ARHGAP35: variants seen among roughly 807,000 people sequenced by gnomAD.
The protein encoded by ARHGAP35 is rho GTPase-activating protein 35.
In ARHGAP35, 15 loss-of-function variants were observed where a neutral mutation model predicts 111.1. The observed-to-expected ratio is 0.13, with a 90% CI of 0.09 to 0.21. The LOEUF is 0.21. Ranked by LOEUF, ARHGAP35 falls within the 10% of genes least tolerant of loss-of-function variation. The pLI, the probability that ARHGAP35 is intolerant of heterozygous loss-of-function variation, is 1.00. For synonymous variants in ARHGAP35, 643 were observed against 710.3 expected (o/e 0.91, Z 1.51); for missense variants, 1,262 against 1,873.0 (o/e 0.67, Z 6.02).
intron 1 of ARHGAP35, among the ~76,000 whole-genome samples, chr19:46,864,286 G>A (rs1448989549): frequency 1.3e-5 from 2 of 152,158 alleles, no homozygotes; most frequent in Non-Finnish European, 2.9e-5. Flanking sequence ...AGGGGTAGAG[G>A]TGGTTTTTAC....
At chr19:46,868,889 C>G (rs1160245825) in intron 1 of ARHGAP35, among the ~76,000 whole-genome samples, 2 of 136,650 alleles carry the variant, frequency 1.5e-5, no homozygotes, top group African/African-American at 5.5e-5. Flanking sequence ...TGGAGCTCAC[C>G]GTGATTTTTT....
At chr19:46,876,951 T>C (rs924239018) in intron 1 of ARHGAP35, among the ~76,000 whole-genome samples, 1 of 152,078 alleles carries the variant, frequency 6.6e-6, no homozygotes, top group Non-Finnish European at 1.5e-5. Flanking sequence ...TCCCAGTGCA[T>C]ATAAAAGTTA....
chr19:46,924,577 AG>A (rs2056227880), intron 2 of ARHGAP35, among the ~76,000 whole-genome samples: 1 of 152,150 alleles, frequency 6.6e-6, no homozygotes, highest in Admixed American at 6.5e-5. Flanking sequence ...TCTCCTCCAA[AG>A]GTTGGTAGGA....
At chr19:46,940,197 T>C (rs2056338258) in intron 3 of ARHGAP35, among the ~76,000 whole-genome samples, 1 of 151,980 alleles carries the variant, frequency 6.6e-6, no homozygotes, top group Non-Finnish European at 1.5e-5. Flanking sequence ...CAGTCTCTAC[T>C]AAAAATATAA....
chr19:46,982,271 G>A (rs1349630526), intron 3 of ARHGAP35, among the ~76,000 whole-genome samples: 1 of 152,138 alleles, frequency 6.6e-6, no homozygotes, highest in African/African-American at 2.4e-5. Context: ...GAGTTCAAAA[G>A]TTTGAGACCA....
At chr19:46,884,126 A>C (rs532349121) in intron 1 of ARHGAP35, among the ~76,000 whole-genome samples, 1 of 152,160 alleles carries the variant, frequency 6.6e-6, no homozygotes, top group East Asian at 1.9e-4. Flanking sequence ...AAAAAAGAAA[A>C]ATTATTCCCA....
chr19:46,907,408 C>T (rs2056114849), intron 1 of ARHGAP35, among the ~76,000 whole-genome samples: 1 of 151,646 alleles, frequency 6.6e-6, no homozygotes, highest in South Asian at 2.1e-4. Flanking sequence ...CCTCGGCCTC[C>T]CAGAGTGCTG....
At chr19:46,963,953 C>T (rs181085326) in intron 3 of ARHGAP35, among the ~76,000 whole-genome samples, 5 of 151,706 alleles carry the variant, frequency 3.3e-5, no homozygotes, top group African/African-American at 1.2e-4. Flanking sequence ...CTGCAATGTC[C>T]GCCTCCCAGG....
chr19:46,942,461 C>T (rs2056352965), intron 3 of ARHGAP35, among the ~76,000 whole-genome samples: 1 of 151,902 alleles, frequency 6.6e-6, no homozygotes, highest in Admixed American at 6.6e-5. Flanking sequence ...GGCAAAACCC[C>T]ATCCATCTCT....
At chr19:46,957,400 G>T (rs2056445950) in intron 3 of ARHGAP35, among the ~76,000 whole-genome samples, 1 of 151,674 alleles carries the variant, frequency 6.6e-6, no homozygotes, top group African/African-American at 2.4e-5. Context: ...GATCACTAGA[G>T]CCCAGGAGTT....
intron 3 of ARHGAP35, among the ~76,000 whole-genome samples, chr19:46,958,215 C>G (rs914249942): frequency 6.6e-6 from 1 of 151,868 alleles, no homozygotes; most frequent in African/African-American, 2.4e-5. Flanking sequence ...AACCCCGTCT[C>G]TACTAAAAAT....
chr19:46,876,406 C>T (rs2055921727), intron 1 of ARHGAP35, among the ~76,000 whole-genome samples: 1 of 151,666 alleles, frequency 6.6e-6, no homozygotes, highest in African/African-American at 2.4e-5. Context: ...TGGAGTCTCA[C>T]TCTGTTGCCC....
chr19:46,917,158 C>A (rs768078653), intron 1 of ARHGAP35, among the ~76,000 whole-genome samples: 12 of 152,114 alleles, frequency 7.9e-5, no homozygotes, highest in Admixed American at 7.9e-4. Context: ...TTCCCCAGCC[C>A]CTGACAACCA....
intron 1 of ARHGAP35, among the ~76,000 whole-genome samples, chr19:46,868,140 T>G (rs1472947984): frequency 6.6e-6 from 1 of 152,236 alleles, no homozygotes; most frequent in Non-Finnish European, 1.5e-5. Context: ...AGTGCTGGGA[T>G]TACAGGTGTG....
At chr19:46,875,961 T>G (rs887067846) in intron 1 of ARHGAP35, among the ~76,000 whole-genome samples, 6 of 152,116 alleles carry the variant, frequency 3.9e-5, no homozygotes, top group African/African-American at 1.4e-4. Flanking sequence ...TGTCCACATT[T>G]GTGGAGGCCT....
In ARHGAP35 at chr19:46,919,710, A is replaced by G. The variant is rs944382088; in HGVS notation, c.1035A>G (p.Pro345=). ...RRRKLYLAAL[P]LAFEALIPNL... is the part of the protein sequence containing the mutation. ...GAAAGCTGTACCTGGCAGCCCTGCC[A>G]TTAGCTTTTGAAGCTCTTATACCTA... Residue 345 remains proline, a synonymous_variant, in exon 2 of 7, where the codon CCA becomes CCG. Coordinates refer to ENST00000672722, the MANE Select transcript of ARHGAP35 (RefSeq NM_004491.5). The surrounding 1 kb of genome is among the most constrained non-coding windows in gnomAD (Gnocchi z 6.2). 8.7e-6 allele frequency: 14 copies of G among 1,613,926 alleles called. No homozygotes were observed. The Admixed American group carries it at 1.2e-4, about 13-fold the overall frequency.
intron 3 of ARHGAP35, among the ~76,000 whole-genome samples, chr19:46,978,628 G>A (rs1367943994): frequency 7.1e-6 from 1 of 140,260 alleles, no homozygotes; most frequent in African/African-American, 2.6e-5. Context: ...TGGTAGGGCT[G>A]TGTGTGCGGT....
In ARHGAP35 at chr19:46,861,152, C is replaced by T. The variant is rs536068772; in HGVS notation, c.-246C>T. On this transcript the variant is annotated 5_prime_UTR_variant, in exon 1 of 7. Coordinates refer to ENST00000672722, the MANE Select transcript of ARHGAP35 (RefSeq NM_004491.5). ...GGAGCAGGGGAACATGGCGCCGGGG[C>T]CCCCGTCGTTGCTGCCGGGATTTTG... is the stretch of plus-strand genomic sequence containing the variant. Among the ~76,000 whole-genome samples, 5 of 151,796 alleles carry T rather than the reference C, an allele frequency of 3.3e-5. No homozygotes were observed. Among genetic ancestry groups the T allele is most frequent in the Admixed American group, 1.3e-4 (2 of 15,264 alleles).
chr19:46,960,761 C>G (rs539032520), intron 3 of ARHGAP35, among the ~76,000 whole-genome samples: 2 of 152,220 alleles, frequency 1.3e-5, no homozygotes, highest in South Asian at 4.1e-4. Flanking sequence ...GCTTTTTATA[C>G]AGATGGAGCC....
Sources: gnomAD v4.1 joint callset for allele counts (sites outside exome capture counted in the v4.1 genomes callset) on GRCh38, gnomAD v4.1.1 for gene constraint, Gnocchi (gnomAD v3.1) non-coding constraint, MANE v1.5 for transcripts, NCBI Gene and HGNC (gene_info 2026-07-23, HGNC 2026-07-21) for gene names.